Variants in SLC9A9 observed in about 807,000 individuals in gnomAD.
SLC9A9 encodes sodium/hydrogen exchanger 9.
Under a neutral mutation model 77.8 loss-of-function variants are expected in SLC9A9, and 62 were observed. The observed-to-expected ratio is 0.80, with a 90% CI of 0.65 to 0.98. SLC9A9 has a LOEUF of 0.98. Ranked by LOEUF, SLC9A9 falls within the 50% of genes least tolerant of loss-of-function variation. The pLI is 0.00. For synonymous variants in SLC9A9, 320 were observed against 283.5 expected, an observed-to-expected ratio of 1.13 and a Z score of -1.29; for missense variants, 775 against 774.9, an observed-to-expected ratio of 1.00 and a Z score of 0.00.
intron 6 of SLC9A9, among the ~76,000 whole-genome samples, chr3:143,594,617 C>T (rs1012297335): frequency 5.3e-5 from 8 of 152,218 alleles, no homozygotes; most frequent in African/African-American, 1.9e-4. Flanking sequence ...TGTGCATCAA[C>T]GAAAGGTTTG....
At chr3:143,774,691 A>G (rs559329124) in intron 4 of SLC9A9, among the ~76,000 whole-genome samples, 176 of 100,256 alleles carry the variant, frequency 1.8e-3, no homozygotes, top group South Asian at 3.4e-3. Context: ...TGGAGAATCA[A>G]AAGTTGAACT....
intron 12 of SLC9A9, among the ~76,000 whole-genome samples, chr3:143,435,002 T>C (rs2034594685): frequency 6.6e-6 from 1 of 152,174 alleles, no homozygotes; most frequent in Non-Finnish European, 1.5e-5. Context: ...CCCTGATTTC[T>C]CTCAGGCAGG....
At chr3:143,660,478 A>C (rs1413927555) in intron 5 of SLC9A9, among the ~76,000 whole-genome samples, 2 of 152,178 alleles carry the variant, frequency 1.3e-5, no homozygotes, top group Non-Finnish European at 2.9e-5. Flanking sequence ...CTGAACCTAG[A>C]GCTTTCTGAT....
At chr3:143,571,272 T>C (rs182248940) in intron 8 of SLC9A9, among the ~76,000 whole-genome samples, 141 of 152,332 alleles carry the variant, frequency 9.3e-4, no homozygotes, top group Admixed American at 2.9e-3. Context: ...TAATAGCTCT[T>C]TCCATTTTAG....
intron 14 of SLC9A9, among the ~76,000 whole-genome samples, chr3:143,308,246 T>C (rs2030879141): frequency 6.6e-6 from 1 of 151,844 alleles, no homozygotes; most frequent in Admixed American, 6.6e-5. Flanking sequence ...TTTATAGGGG[T>C]CAGTGAAAAA....
intron 13 of SLC9A9, among the ~76,000 whole-genome samples, chr3:143,368,173 G>A (rs774936182): frequency 6.6e-6 from 1 of 152,162 alleles, no homozygotes; most frequent in African/African-American, 2.4e-5. Context: ...TAGACCAGAG[G>A]TTGGGAAGTG....
At chr3:143,352,973 T>C (rs1245779888) in intron 14 of SLC9A9, among the ~76,000 whole-genome samples, 2 of 152,126 alleles carry the variant, frequency 1.3e-5, no homozygotes, top group Non-Finnish European at 2.9e-5. Flanking sequence ...ATAAAATCCA[T>C]TTTCTTAACC....
chr3:143,663,410 T>G (rs1386499577), intron 5 of SLC9A9, among the ~76,000 whole-genome samples: 9 of 152,212 alleles, frequency 5.9e-5, no homozygotes, highest in Admixed American at 5.9e-4. Context: ...CCTCTTCTCC[T>G]CCAAAGAATC....
chr3:143,393,981 T>C (rs1218012306), intron 12 of SLC9A9, among the ~76,000 whole-genome samples: 1 of 151,864 alleles, frequency 6.6e-6, no homozygotes, highest in African/African-American at 2.4e-5. Flanking sequence ...CCAAAAAAAG[T>C]CCAGGACCAG....
rs753414495 is a variant in SLC9A9, at chr3:143,382,130, A to G, written c.1470-16T>C. ...CACGCCAACTCTGTTAAACAAAACC[A>G]AAAACTGGTCAATCCCCTGCTGCAG... On this transcript the variant is annotated splice_polypyrimidine_tract_variant and intron_variant, in intron 12 of 15. Transcript: ENST00000316549. 1 of 1,613,970 alleles carries G rather than the reference A, an allele frequency of 6.2e-7. No homozygotes were observed. The highest frequency in any genetic ancestry group is 2.2e-5 in the East Asian group (1 of 44,884).
chr3:143,837,718 A>G (rs1162683079), intron 1 of SLC9A9, among the ~76,000 whole-genome samples: 3 of 152,194 alleles, frequency 2.0e-5, no homozygotes, highest in Non-Finnish European at 2.9e-5. Flanking sequence ...CTCCCTGCTG[A>G]TAACCGGTTT....
intron 6 of SLC9A9, among the ~76,000 whole-genome samples, chr3:143,609,783 C>T (rs1168732978): frequency 6.6e-6 from 1 of 152,178 alleles, no homozygotes; most frequent in Non-Finnish European, 1.5e-5. Flanking sequence ...CATCGGCTCA[C>T]ATAGATGCAT....
chr3:143,392,024 T>A (rs2033581029), intron 12 of SLC9A9, among the ~76,000 whole-genome samples: 1 of 146,038 alleles, frequency 6.8e-6, no homozygotes, highest in South Asian at 2.1e-4. Flanking sequence ...TGGAAAACAC[T>A]CTGCAGGATA....
intron 4 of SLC9A9, among the ~76,000 whole-genome samples, chr3:143,697,053 G>A (rs1054597815): frequency 8.6e-5 from 13 of 151,734 alleles, no homozygotes; most frequent in Non-Finnish European, 1.5e-4. Context: ...AAAATTCAAA[G>A]CAATCTTCTA....
At chr3:143,648,955 A>G (rs918324407) in intron 6 of SLC9A9, among the ~76,000 whole-genome samples, 1 of 152,206 alleles carries the variant, frequency 6.6e-6, no homozygotes, top group Admixed American at 6.5e-5. Flanking sequence ...ATTCCTGTTC[A>G]TTTCACTGGA....
In SLC9A9 at chr3:143,467,829, A is replaced by C. The variant is rs539813444; in HGVS notation, c.1316-639T>G. Among the ~76,000 whole-genome samples the C allele has an allele frequency of 2.0e-4, 31 of 152,168 alleles. No homozygotes were observed. The South Asian group carries it at 6.0e-3, about 30-fold the overall frequency. On this transcript the variant is annotated intron_variant, in intron 11 of 15. Transcript: ENST00000316549. ...ATAACCACACCTACTTCCCTCCCAC[A>C]TACTCACTCCTTAATTCCTAACAAC...
intron 13 of SLC9A9, among the ~76,000 whole-genome samples, chr3:143,369,151 T>C (rs1388177571): frequency 6.6e-6 from 1 of 152,200 alleles, no homozygotes. Flanking sequence ...AAGGGCTTGG[T>C]CCAGGTAACT....
intron 6 of SLC9A9, among the ~76,000 whole-genome samples, chr3:143,607,511 G>A (rs2037947899): frequency 6.6e-6 from 1 of 152,086 alleles, no homozygotes; most frequent in Admixed American, 6.5e-5. Context: ...AATCATTAAA[G>A]CATTTTAATT....
intron 4 of SLC9A9, among the ~76,000 whole-genome samples, chr3:143,780,601 A>AGAAAGCAT (rs2007841408): frequency 6.6e-6 from 1 of 152,270 alleles, no homozygotes; most frequent in South Asian, 2.1e-4. Context: ...TGGGGAGTTA[A>AGAAAGCAT]GAAAGCATTG....
Sources: gnomAD v4.1 joint callset for allele counts (sites outside exome capture counted in the v4.1 genomes callset) on GRCh38, gnomAD v4.1.1 for gene constraint, MANE v1.5 for transcripts, NCBI Gene and HGNC (gene_info 2026-07-23, HGNC 2026-07-21) for gene names.